The following JPH2 variants were observed in gnomAD, a reference collection of about 807,000 sequenced individuals.
JPH2 encodes the protein junctophilin-2.
In JPH2, 38 loss-of-function variants were observed where a neutral mutation model predicts 55.9. That is an observed-to-expected ratio of 0.68 (90% CI 0.52 to 0.89). JPH2 has a LOEUF of 0.89. Among genes scored for constraint, JPH2 ranks in the 40% least tolerant of loss-of-function variants. The pLI is 0.00. For missense variants in JPH2, 964 were observed against 1,037.6 expected (o/e 0.93, Z 0.97); for synonymous variants, 480 against 472.4 (o/e 1.02, Z -0.21).
At chr20:44,132,553 G>C (rs1315450733) in intron 2 of JPH2, among the ~76,000 whole-genome samples, 1 of 151,592 alleles carries the variant, frequency 6.6e-6, no homozygotes, top group Non-Finnish European at 1.5e-5. Context: ...TCAATTCAGG[G>C]CCCAAGCACG....
Position 44,110,517 on chromosome 20 carries a change from A to G in JPH2, c.*3001T>C, listed in dbSNP as rs1315790753. Among the ~76,000 whole-genome samples, 1 of 151,552 alleles carries G rather than the reference A, an allele frequency of 6.6e-6. No homozygotes were observed. Among genetic ancestry groups the G allele is most frequent in the Non-Finnish European group, 1.5e-5 (1 of 67,918 alleles). ...TTGGCTCACTGCAACCTCCGCCTCC[A>G]GGGTTCAAGTGCTTCTCCTGCCTCA... On this transcript the variant is annotated 3_prime_UTR_variant, in exon 6 of 6. Transcript: ENST00000372980.
At chr20:44,147,006 C>A (rs147736118) in intron 2 of JPH2, among the ~76,000 whole-genome samples, 1 of 152,046 alleles carries the variant, frequency 6.6e-6, no homozygotes, top group East Asian at 1.9e-4. Context: ...AATTATTATT[C>A]TTTAAATATT....
chr20:44,173,708 G>T (rs2072713927), intron 1 of JPH2, among the ~76,000 whole-genome samples: 1 of 152,198 alleles, frequency 6.6e-6, no homozygotes, highest in Non-Finnish European at 1.5e-5. Flanking sequence ...GAGGTCAGGA[G>T]TTCAAGACCA....
chr20:44,135,393 C>G (rs569631638), intron 2 of JPH2, among the ~76,000 whole-genome samples: 2 of 152,232 alleles, frequency 1.3e-5, no homozygotes, highest in African/African-American at 4.8e-5. Context: ...TGTTTCTATG[C>G]CTGGGGTGAA....
At chr20:44,161,150 C>T (rs2072607143) in intron 1 of JPH2, among the ~76,000 whole-genome samples, 1 of 152,032 alleles carries the variant, frequency 6.6e-6, no homozygotes. Flanking sequence ...TGAGATCTCA[C>T]GGAGTTGACA....
At chr20:44,136,431 G>T (rs1401414892) in intron 2 of JPH2, among the ~76,000 whole-genome samples, 1 of 137,894 alleles carries the variant, frequency 7.3e-6, no homozygotes, top group Non-Finnish European at 1.6e-5. Context: ...AATCCCCTGG[G>T]ACTCATCGCC....
In JPH2 at chr20:44,116,265, C is replaced by T. The variant is rs751126526; in HGVS notation, c.1410G>A (p.Pro470=). 181 of 1,524,062 alleles carry T rather than the reference C, an allele frequency of 1.2e-4. No individual in the cohort carries two copies. Among genetic ancestry groups the T allele is most frequent in the Non-Finnish European group, 1.2e-5 (14 of 1,140,124 alleles). The allele number at this position is 1,524,062 out of a possible 1,614,324, so 94.4% of individuals were successfully genotyped here. A position where few individuals can be genotyped will look rare whatever the true frequency, so the allele number is the denominator to read the frequency against. ...GAGGGGTCTCACGCTCGTGCAGCTG[C>T]GGGCTCTCGCGGGGCGGCTGTGGGA... ...AGLPQPPRES[P]QLHERETPRP... The change falls in exon 4 of 6, where the codon CCG becomes CCA. Residue 470 remains proline, a synonymous_variant. Transcript: ENST00000372980.
In JPH2 at chr20:44,110,688, C is replaced by T. The variant is rs2072135802; in HGVS notation, c.*2830G>A. On this transcript the variant is annotated 3_prime_UTR_variant, in exon 6 of 6. Transcript: ENST00000372980. ...TCAAGTGATCCACCTGCCTCAGCCT[C>T]CTCTAACGTGCTGGAATTATAGGTG... Among the ~76,000 whole-genome samples, 1 of 152,222 alleles carries T rather than the reference C, an allele frequency of 6.6e-6. No individual in the cohort carries two copies. Among genetic ancestry groups the T allele is most frequent in the Non-Finnish European group, 1.5e-5 (1 of 68,048 alleles).
In JPH2 at chr20:44,186,713, T is replaced by C; in HGVS notation, c.-8A>G. 1.3e-6 allele frequency: 2 copies of C among 1,534,898 alleles called. No individual in the cohort carries two copies. The highest frequency in any genetic ancestry group is 1.1e-5 in the South Asian group (1 of 89,844). ...GAAGCGGCCCCCACTCATCTCATCA[T>C]AGCCCCTGACAACCTCCCCGTCCTC... is the stretch of plus-strand genomic sequence containing the variant. On this transcript the variant is annotated 5_prime_UTR_variant, in exon 1 of 6. The change abolishes an upstream ATG in the 5' untranslated region. Coordinates refer to ENST00000372980, the MANE Select transcript of JPH2 (RefSeq NM_020433.5).
At chr20:44,157,435 A>C (rs2072573733) in intron 2 of JPH2, among the ~76,000 whole-genome samples, 1 of 152,106 alleles carries the variant, frequency 6.6e-6, no homozygotes, top group African/African-American at 2.4e-5. Context: ...ATTGCAACCC[A>C]ATGTCTCCCA....
intron 2 of JPH2, among the ~76,000 whole-genome samples, chr20:44,131,142 A>G (rs1036579201): frequency 1.3e-5 from 2 of 152,192 alleles, no homozygotes; most frequent in African/African-American, 4.8e-5. Context: ...AAAGAACAGA[A>G]TATGCAAAAG....
intron 1 of JPH2, among the ~76,000 whole-genome samples, chr20:44,180,623 A>G: frequency 6.6e-6 from 1 of 152,128 alleles, no homozygotes; most frequent in East Asian, 1.9e-4. Flanking sequence ...AGCTTTATGG[A>G]AAAAAGTCAA....
intron 2 of JPH2, among the ~76,000 whole-genome samples, chr20:44,132,059 C>T (rs2072322805): frequency 6.6e-6 from 1 of 152,128 alleles, no homozygotes; most frequent in South Asian, 2.1e-4. Context: ...AGATTGGAAA[C>T]AAAGCCAAGT....
chr20:44,169,622 C>T (rs2072682560), intron 1 of JPH2, among the ~76,000 whole-genome samples: 1 of 152,186 alleles, frequency 6.6e-6, no homozygotes, highest in Non-Finnish European at 1.5e-5. Context: ...ACTGAGAACA[C>T]CATCCCATCT....
At chr20:44,125,113 CAAAAAA>C (rs11299035) in intron 2 of JPH2, among the ~76,000 whole-genome samples, 1 of 118,004 alleles carries the variant, frequency 8.5e-6, no homozygotes, top group Non-Finnish European at 1.8e-5. Flanking sequence ...GACTCTGGCT[CAAAAAA>C]AAAAAAAAAA....
At chr20:44,130,576 T>C (rs2072310606) in intron 2 of JPH2, among the ~76,000 whole-genome samples, 1 of 152,220 alleles carries the variant, frequency 6.6e-6, no homozygotes, top group Non-Finnish European at 1.5e-5. Flanking sequence ...AACAGAGTAG[T>C]GGACCCTGCA....
chr20:44,186,733 G>A lies in JPH2; in HGVS notation c.-28C>T. Reference sequence around the variant, plus strand: ...CATCATAGCCCCTGACAACCTCCCCGTCCTCCAGCGTGGGTGCAGAGGGCG... The same window carrying A: ...CATCATAGCCCCTGACAACCTCCCCATCCTCCAGCGTGGGTGCAGAGGGCG... On this transcript the variant is annotated 5_prime_UTR_variant, in exon 1 of 6. In the 5' UTR this introduces an upstream ATG that the reference lacks. Coordinates refer to ENST00000372980, the MANE Select transcript of JPH2 (RefSeq NM_020433.5). The A allele has an allele frequency of 6.4e-7, 1 of 1,554,634 alleles. No individual in the cohort carries two copies. Among genetic ancestry groups the A allele is most frequent in the South Asian group, 1.1e-5 (1 of 90,090 alleles).
intron 1 of JPH2, among the ~76,000 whole-genome samples, chr20:44,176,597 T>C (rs1357878562): frequency 5.9e-5 from 9 of 151,654 alleles, no homozygotes; most frequent in Non-Finnish European, 2.9e-5. Flanking sequence ...GGCTCAGAAG[T>C]TTGAGACCAG....
intron 2 of JPH2, among the ~76,000 whole-genome samples, chr20:44,124,086 T>A (rs74814923): frequency 0.082 from 12,427 of 152,226 alleles, 537 homozygotes; most frequent in Non-Finnish European, 0.098. Context: ...GAGACTCTTC[T>A]TGATTTCGTT....
Sources: gnomAD v4.1 joint callset for allele counts (sites outside exome capture counted in the v4.1 genomes callset) on GRCh38, gnomAD v4.1.1 for gene constraint, MANE v1.5 for transcripts, NCBI Gene and HGNC (gene_info 2026-07-23, HGNC 2026-07-21) for gene names.